The following TCF20 variants were observed in gnomAD, a reference collection of about 807,000 sequenced individuals.
TCF20 encodes SPRE-binding protein.
Under a neutral mutation model 148.6 loss-of-function variants are expected in TCF20, and 3 were observed. The ratio of observed to expected loss-of-function variants is 0.02; its 90% CI spans 0.01 to 0.05. TCF20 has a LOEUF of 0.05. TCF20 is among the 10% of genes least tolerant of loss of function. The pLI is 1.00. For missense variants in TCF20, 2,350 were observed against 2,429.3 expected, an observed-to-expected ratio of 0.97 and a Z score of 0.69; for synonymous variants, 1,049 against 909.5, an observed-to-expected ratio of 1.15 and a Z score of -2.76.
At chr22:42,247,009 T>TAAAAAGC (rs1555945124) in intron 1 of TCF20, among the ~76,000 whole-genome samples, 2 of 136,816 alleles carry the variant, frequency 1.5e-5, no homozygotes, top group African/African-American at 2.7e-5. Flanking sequence ...AAAGGTATAA[T>TAAAAAGC]AAAAAGCAAA....
intron 1 of TCF20, among the ~76,000 whole-genome samples, chr22:42,289,159 T>TA (rs1376580500): frequency 6.6e-6 from 1 of 152,160 alleles, no homozygotes; most frequent in African/African-American, 2.4e-5. Flanking sequence ...TGCCCTAAGT[T>TA]AGACTACAAA....
chr22:42,236,424 C>A (rs1488167449), intron 1 of TCF20, among the ~76,000 whole-genome samples: 1 of 152,116 alleles, frequency 6.6e-6, no homozygotes, highest in African/African-American at 2.4e-5. Flanking sequence ...CTCTAATTCA[C>A]AATGAAGAAT....
chr22:42,309,309 A>G (rs1357628240), intron 1 of TCF20, among the ~76,000 whole-genome samples: 1 of 152,018 alleles, frequency 6.6e-6, no homozygotes, highest in Non-Finnish European at 1.5e-5. Context: ...GGGAGGGGAC[A>G]CTGCTAAGGG....
At chr22:42,176,747 A>G (rs1431790508) in intron 3 of TCF20, among the ~76,000 whole-genome samples, 1 of 152,240 alleles carries the variant, frequency 6.6e-6, no homozygotes, top group African/African-American at 2.4e-5. Context: ...CCAGGCACGG[A>G]AAGTTAAAAG....
chr22:42,253,648 T>C (rs1322677629), intron 1 of TCF20, among the ~76,000 whole-genome samples: 3 of 152,232 alleles, frequency 2.0e-5, no homozygotes, highest in Non-Finnish European at 4.4e-5. Context: ...TGAAAGCAAG[T>C]TGATTTTTTA....
At chr22:42,175,121 A>C (rs1480344924) in intron 3 of TCF20, among the ~76,000 whole-genome samples, 1 of 152,166 alleles carries the variant, frequency 6.6e-6, no homozygotes, top group Non-Finnish European at 1.5e-5. Context: ...ACTAGACTAC[A>C]GGGAAGAAAA....
chr22:42,210,804 C>T lies in TCF20; in HGVS notation c.4502G>A (p.Gly1501Asp). 1.2e-6 allele frequency: 2 copies of T among 1,614,182 alleles called. No homozygotes were observed. The highest frequency in any genetic ancestry group is 1.7e-6 in the Non-Finnish European group (2 of 1,180,040). Residue 1501 changes from glycine to aspartate, a missense_variant, in exon 2 of 6, where the codon GGC (glycine) becomes GAC (aspartate). Gly to Asp is a moderately conservative substitution (Grantham distance 94, BLOSUM62 -1). Coordinates refer to ENST00000677622, the MANE Select transcript of TCF20 (RefSeq NM_001378418.1). The surrounding 1 kb of genome is among the most constrained non-coding windows in gnomAD (Gnocchi z 4.7). ...FPDSKNVPPV[G>D]ILAPEANPKA... is the part of the protein sequence containing the mutation. The stretch of plus-strand genomic sequence containing the variant: ...GGGGTTTGCCTCAGGGGCCAATATG[C>T]CCACTGGAGGTACATTCTTTGAGTC...
At chr22:42,168,759 G>A in intron 4 of TCF20, 23 bp from the exon 5 acceptor site, 17 of 1,598,224 alleles carry the variant, frequency 1.1e-5, no homozygotes, top group Non-Finnish European at 1.4e-5. Context: ...AAACCAAGAG[G>A]AGACAGACAG....
At chr22:42,168,487 C>G (rs1935922430) in intron 5 of TCF20, 122 bp downstream of exon 5, 37 of 1,391,336 alleles carry the variant, frequency 2.7e-5, no homozygotes, top group Non-Finnish European at 3.3e-5. Flanking sequence ...CTGCATCCAC[C>G]TGGCGTTGTC....
intron 1 of TCF20, among the ~76,000 whole-genome samples, chr22:42,239,718 T>G (rs1297562375): frequency 6.6e-6 from 1 of 151,904 alleles, no homozygotes; most frequent in Non-Finnish European, 1.5e-5. Flanking sequence ...ACCCAGGAGG[T>G]GGAGGTTGTA....
At chr22:42,170,325 C>T (rs1417607070) in intron 3 of TCF20, among the ~76,000 whole-genome samples, 1 of 143,528 alleles carries the variant, frequency 7.0e-6, no homozygotes, top group East Asian at 2.0e-4. Flanking sequence ...CAGTGAGATC[C>T]TGTCACTATT....
At chr22:42,330,847 C>G in intron 1 of TCF20, among the ~76,000 whole-genome samples, 1 of 152,246 alleles carries the variant, frequency 6.6e-6, no homozygotes. Context: ...GATGGGGAAA[C>G]TGAGGCCTAG....
rs955150787 is a variant in TCF20, at chr22:42,160,641, A to T, written c.*762T>A. On this transcript the variant is annotated 3_prime_UTR_variant, in exon 6 of 6. Transcript: ENST00000677622. ...ATTTCACCCCCAAAAAGAAAAAATT[A>T]AAAAAAAAAAACCATAAATAAATAG... 9.8e-5 allele frequency: 12 copies of T among 122,578 alleles called. No individual in the cohort carries two copies. Among genetic ancestry groups the T allele is most frequent in the South Asian group, 4.4e-4 (2 of 4,556 alleles). The allele number at this position is 122,578 out of a possible 1,614,324, so 7.6% of individuals were successfully genotyped here.
intron 2 of TCF20, among the ~76,000 whole-genome samples, chr22:42,183,252 G>C (rs778156088): frequency 3.9e-5 from 6 of 152,202 alleles, no homozygotes; most frequent in Non-Finnish European, 8.8e-5. Context: ...GTCTCCTACA[G>C]AGCAATCAGA....
intron 1 of TCF20, among the ~76,000 whole-genome samples, chr22:42,216,583 C>T (rs139466521): frequency 6.6e-6 from 1 of 152,344 alleles, no homozygotes; most frequent in East Asian, 1.9e-4. Context: ...ATAGCAGTGA[C>T]TATTCTTCCA....
rs755605104 is a variant in TCF20 at position 42,209,934 on chromosome 22, C to T, written c.5372G>A (p.Arg1791His). ...AGGGCCTCCACCACAGTCTTCCGAGCGGTGGCGCCGCTTAAACCTGGGGTG... is the reference window on the plus strand; with the variant it reads ...AGGGCCTCCACCACAGTCTTCCGAGTGGTGGCGCCGCTTAAACCTGGGGTG... Reference protein sequence around the residue: ...AAHPRFKRRHRSEDCGGGPRS... With the variant: ...AAHPRFKRRHHSEDCGGGPRS... The change falls in exon 2 of 6, where the codon CGC becomes CAC. Residue 1791 changes from arginine to histidine, a missense_variant. This residue lies in a region of TCF20 where 374 missense variants were observed against 398.3 expected (regional missense o/e 0.94). Transcript: ENST00000677622. 1.2e-5 allele frequency: 19 copies of T among 1,614,120 alleles called. No homozygotes were observed. The highest frequency in any genetic ancestry group is 1.7e-4 in the Middle Eastern group (1 of 6,060).
At chr22:42,188,963 G>A (rs955862008) in intron 2 of TCF20, among the ~76,000 whole-genome samples, 1 of 152,168 alleles carries the variant, frequency 6.6e-6, no homozygotes. Context: ...GCATTCTTGA[G>A]GGAGTGTAGC....
chr22:42,217,294 C>T (rs1282181886), intron 1 of TCF20, among the ~76,000 whole-genome samples: 1 of 152,194 alleles, frequency 6.6e-6, no homozygotes, highest in African/African-American at 2.4e-5. Flanking sequence ...TTCTCACCTG[C>T]ACGTTCTTCT....
rs976720437 is a variant in TCF20, at chr22:42,299,485, C to G, written c.-37+43994G>C. ...AATTTCCCCCAGGACAAAGGGGCCT[C>G]AAGGCCTCATGAACAGAACATGCTG... On this transcript the variant is annotated intron_variant, in intron 1 of 1. Coordinates refer to the TCF20 transcript ENST00000515426. The surrounding 1 kb of genome is among the most constrained non-coding windows in gnomAD (Gnocchi z 4.1). 6.6e-6 allele frequency among the ~76,000 whole-genome samples: 1 copy of G among 152,242 alleles called. No homozygotes were observed. The highest frequency in any genetic ancestry group is 2.4e-5 in the African/African-American group (1 of 41,468).
Sources: gnomAD v4.1 joint callset for allele counts (sites outside exome capture counted in the v4.1 genomes callset) on GRCh38, gnomAD v4.1.1 for gene constraint, gnomAD v4.1.1 regional missense constraint, Gnocchi (gnomAD v3.1) non-coding constraint, MANE v1.5 for transcripts, NCBI Gene and HGNC (gene_info 2026-07-23, HGNC 2026-07-21) for gene names.